Variants in MCF2L2 observed in about 807,000 individuals in gnomAD.
The protein encoded by MCF2L2 is probable guanine nucleotide exchange factor MCF2L2.
In MCF2L2, 102 loss-of-function variants were observed where a neutral mutation model predicts 150.2. That is an observed-to-expected ratio of 0.68 (90% confidence interval 0.58 to 0.80). The LOEUF is 0.80. Among genes scored for constraint, MCF2L2 ranks in the 30% least tolerant of loss-of-function variants. The pLI, the probability that MCF2L2 is intolerant of heterozygous loss-of-function variation, is 0.00. For missense variants in MCF2L2, 1,256 were observed against 1,372.8 expected (o/e 0.91, Z 1.34); for synonymous variants, 465 against 491.3 (o/e 0.95, Z 0.71).
chr3:183,398,494 G>A (rs1714579561), intron 1 of MCF2L2, among the ~76,000 whole-genome samples: 1 of 151,342 alleles, frequency 6.6e-6, no homozygotes, highest in Non-Finnish European at 1.5e-5. Flanking sequence ...CTAACTTAGA[G>A]GAATTCATTT....
At chr3:183,307,333 T>C (rs1373919118) in intron 10 of MCF2L2, among the ~76,000 whole-genome samples, 2 of 152,202 alleles carry the variant, frequency 1.3e-5, no homozygotes, top group African/African-American at 4.8e-5. Flanking sequence ...GAAGAAGCCA[T>C]GTGTCTGAGA....
intron 15 of MCF2L2, among the ~76,000 whole-genome samples, chr3:183,261,383 G>A (rs1407508379): frequency 6.6e-6 from 1 of 152,144 alleles, no homozygotes; most frequent in Non-Finnish European, 1.5e-5. Context: ...AGATGGTACA[G>A]AAGATTTTAT....
At chr3:183,385,429 C>T (rs1713775283) in intron 2 of MCF2L2, among the ~76,000 whole-genome samples, 1 of 152,178 alleles carries the variant, frequency 6.6e-6, no homozygotes, top group Non-Finnish European at 1.5e-5. Flanking sequence ...CCCCTGGGAG[C>T]CCTACCCTCC....
chr3:183,418,657 A>C (rs1241820519), intron 1 of MCF2L2, among the ~76,000 whole-genome samples: 1 of 152,232 alleles, frequency 6.6e-6, no homozygotes, highest in Non-Finnish European at 1.5e-5. Flanking sequence ...CACAAGTCTG[A>C]AATCCAATAG....
At chr3:183,206,357 G>A (rs1459271244) in intron 23 of MCF2L2, 143 bp from the exon 24 acceptor site, 2 of 641,308 alleles carry the variant, frequency 3.1e-6, no homozygotes, top group Non-Finnish European at 5.6e-6. Flanking sequence ...CTCTCTTAAT[G>A]ACTCCAAGAC....
chr3:183,244,056 G>A (rs190030123), intron 15 of MCF2L2, among the ~76,000 whole-genome samples: 20 of 152,118 alleles, frequency 1.3e-4, no homozygotes, highest in African/African-American at 2.6e-4. Context: ...TCCAGGAGGC[G>A]GAGCTTGCAG....
intron 3 of MCF2L2, among the ~76,000 whole-genome samples, chr3:183,360,067 G>A (rs113567131): frequency 4.6e-5 from 7 of 152,200 alleles, no homozygotes; most frequent in African/African-American, 1.7e-4. Context: ...AATAGTGATG[G>A]TAAAGACGAT....
intron 2 of MCF2L2, among the ~76,000 whole-genome samples, chr3:183,388,064 G>A (rs947690652): frequency 6.6e-6 from 1 of 152,014 alleles, no homozygotes; most frequent in African/African-American, 2.4e-5. Flanking sequence ...ATCTGGAGCT[G>A]TCTGATACCA....
At chr3:183,388,107 A>G (rs997781495) in intron 2 of MCF2L2, among the ~76,000 whole-genome samples, 3 of 152,190 alleles carry the variant, frequency 2.0e-5, no homozygotes, top group Non-Finnish European at 4.4e-5. Context: ...CCTCTAAGTC[A>G]TAAGAACAGA....
chr3:183,216,570 ATATATATAT>A (rs1432177157), intron 21 of MCF2L2, among the ~76,000 whole-genome samples: 6 of 26,976 alleles, frequency 2.2e-4, no homozygotes, highest in Admixed American at 4.9e-4. Context: ...ATATATATAT[ATATATATAT>A]ATTTTTTTTT....
At position 183,230,221 on chromosome 3, in the gene MCF2L2, C is replaced by A. The variant is rs73062085; in HGVS notation, c.1930-440G>T. On this transcript the variant is annotated intron_variant, in intron 16 of 29. Coordinates refer to ENST00000328913, the MANE Select transcript of MCF2L2 (RefSeq NM_015078.4). ...CTCCGCCTCCTGGGTTCAAGTGATTCTTCCGTTTCAGACTCCCAAGTAGCT... is the reference window on the plus strand; with the variant it reads ...CTCCGCCTCCTGGGTTCAAGTGATTATTCCGTTTCAGACTCCCAAGTAGCT... Among the ~76,000 whole-genome samples the A allele has an allele frequency of 8.4e-3, 1,272 of 152,202 alleles. 13 individuals carry two copies. The highest frequency in any genetic ancestry group is 0.029 in the African/African-American group (1,217 of 41,512).
chr3:183,280,853 A>C (rs557033117), intron 14 of MCF2L2, among the ~76,000 whole-genome samples: 1 of 151,346 alleles, frequency 6.6e-6, no homozygotes, highest in South Asian at 2.1e-4. Flanking sequence ...GTCAAAAAAA[A>C]AAAAAAAAAC....
rs780299090 is a variant in MCF2L2 at position 183,270,023 on chromosome 3, C to T, written c.1862+6849G>A. On this transcript the variant is annotated intron_variant, in intron 15 of 29. Coordinates refer to ENST00000328913, the MANE Select transcript of MCF2L2 (RefSeq NM_015078.4). This position sits in a 1 kb window ranked among gnomAD's most constrained non-coding sequence, Gnocchi z 4.5. The stretch of plus-strand genomic sequence containing the variant: ...CCTCAGCGGGGCCTCGCTACCAATA[C>T]TTGATTAACCACAAGGAAAAGTGTC... 1.2e-6 allele frequency: 2 copies of T among 1,614,052 alleles called. No individual in the cohort carries two copies. Among genetic ancestry groups the T allele is most frequent in the Admixed American group, 1.7e-5 (1 of 60,002 alleles).
intron 1 of MCF2L2, among the ~76,000 whole-genome samples, chr3:183,406,153 A>G (rs531144314): frequency 6.9e-4 from 105 of 152,328 alleles, no homozygotes; most frequent in Non-Finnish European, 1.3e-3. Flanking sequence ...TAACTTTATA[A>G]GACACTGCCA....
At chr3:183,400,959 GT>G (rs1367260252) in intron 1 of MCF2L2, among the ~76,000 whole-genome samples, 2 of 152,188 alleles carry the variant, frequency 1.3e-5, no homozygotes. Context: ...GCTGCAGCCA[GT>G]AAGATTCACT....
At chr3:183,231,196 C>CT in intron 15 of MCF2L2, 179 bp from the exon 16 acceptor site, 1 of 683,404 alleles carries the variant, frequency 1.5e-6, no homozygotes, top group Non-Finnish European at 2.7e-6. Context: ...ATCTCACAAA[C>CT]GCACACTGTG....
chr3:183,272,284 G>T, intron 15 of MCF2L2: 1 of 1,000,238 alleles, frequency 1.0e-6, no homozygotes, highest in Non-Finnish European at 1.2e-6. Context: ...ACTAGGTGGT[G>T]TCTACTGCTA....
intron 1 of MCF2L2, among the ~76,000 whole-genome samples, chr3:183,394,107 C>G (rs746005843): frequency 6.6e-6 from 1 of 152,040 alleles, no homozygotes; most frequent in Non-Finnish European, 1.5e-5. Context: ...TTTGGCAGAC[C>G]CTGTGACATT....
intron 20 of MCF2L2, among the ~76,000 whole-genome samples, chr3:183,220,170 T>G (rs1723094366): frequency 6.6e-6 from 1 of 152,234 alleles, no homozygotes; most frequent in South Asian, 2.1e-4. Context: ...ACCTCATGAA[T>G]ATTTTCCCAT....
Sources: gnomAD v4.1 joint callset for allele counts (sites outside exome capture counted in the v4.1 genomes callset) on GRCh38, gnomAD v4.1.1 for gene constraint, Gnocchi (gnomAD v3.1) non-coding constraint, MANE v1.5 for transcripts, NCBI Gene and HGNC (gene_info 2026-07-23, HGNC 2026-07-21) for gene names.